The following MCM8 variants were observed in gnomAD, a reference collection of about 807,000 sequenced individuals.
MCM8 encodes minichromosome maintenance 8 homologous recombination repair factor, also known as DNA helicase MCM8.
A neutral mutation model predicts 98.9 loss-of-function variants in MCM8; 85 were observed. That is an observed-to-expected ratio of 0.86 (90% CI 0.72 to 1.03). The LOEUF is 1.03. Ranked by LOEUF, MCM8 falls within the 50% of genes least tolerant of loss-of-function variation. MCM8 has a pLI of 0.00. For synonymous variants in MCM8, 352 were observed against 338.6 expected (o/e 1.04, Z -0.44); for missense variants, 951 against 997.8 (o/e 0.95, Z 0.63).
chr20:5,962,152 G>C (rs1197285832), intron 7 of MCM8, among the ~76,000 whole-genome samples: 1 of 152,146 alleles, frequency 6.6e-6, no homozygotes, highest in Non-Finnish European at 1.5e-5. Context: ...CTTGCACACA[G>C]TATAGCAGCT....
intron 7 of MCM8, among the ~76,000 whole-genome samples, chr20:5,960,028 T>C (rs6139881): frequency 0.082 from 12,408 of 152,220 alleles, 709 homozygotes; most frequent in East Asian, 0.32. Flanking sequence ...TTCCAGAGTA[T>C]TGTTCCCAAC....
rs1194978663 is a variant in MCM8, at chr20:5,963,322, T to A, written c.838T>A (p.Ser280Thr). ...RGRSFTALRS[S>T]PLTVTMDWQS... ...CAGGTCATTTACTGCTCTCCGCAGC[T>A]CTCCTCTCACAGTTACGATGGACTG... is the stretch of plus-strand genomic sequence containing the variant. The change falls in exon 8 of 19, where the codon TCT (serine) becomes ACT (threonine). Residue 280 changes from serine (S) to threonine (T), a missense_variant. Ser to Thr is a moderately conservative substitution (Grantham distance 58, BLOSUM62 1). Transcript: ENST00000610722. The A allele has an allele frequency of 6.2e-7, 1 of 1,614,104 alleles. No homozygotes were observed. Among genetic ancestry groups the A allele is most frequent in the South Asian group, 1.1e-5 (1 of 91,076 alleles).
chr20:5,959,976 G>A (rs966076091), intron 7 of MCM8, among the ~76,000 whole-genome samples: 4 of 151,972 alleles, frequency 2.6e-5, no homozygotes, highest in African/African-American at 7.2e-5. Flanking sequence ...GGATTGGCCG[G>A]CTGTACTTAT....
intron 5 of MCM8, among the ~76,000 whole-genome samples, 182 bp downstream of exon 5, chr20:5,955,433 C>T (rs1430240691): frequency 6.6e-6 from 1 of 152,202 alleles, no homozygotes; most frequent in Non-Finnish European, 1.5e-5. Context: ...TGAAAGATAC[C>T]ATTCATTCTA....
intron 13 of MCM8, among the ~76,000 whole-genome samples, chr20:5,981,593 G>T (rs754918894): frequency 1.5e-4 from 23 of 152,112 alleles, no homozygotes; most frequent in Non-Finnish European, 2.8e-4. Flanking sequence ...TGGGAAAAGC[G>T]TATTGACAAG....
At chr20:5,969,374 C>G (rs187823094) in intron 10 of MCM8, among the ~76,000 whole-genome samples, 17 of 152,140 alleles carry the variant, frequency 1.1e-4, no homozygotes, top group Non-Finnish European at 2.1e-4. Context: ...GGTGGATCAC[C>G]TGAGGTCAGG....
chr20:5,958,163 G>A (rs1313304757), intron 6 of MCM8, among the ~76,000 whole-genome samples: 1 of 152,206 alleles, frequency 6.6e-6, no homozygotes, highest in East Asian at 1.9e-4. Context: ...GAGGTCAAGC[G>A]ATCGAGACCA....
At chr20:5,957,702 T>TC (rs1283552805) in intron 6 of MCM8, among the ~76,000 whole-genome samples, 2 of 152,350 alleles carry the variant, frequency 1.3e-5, no homozygotes, top group East Asian at 3.9e-4. Context: ...CCAAAATACT[T>TC]CTGGTCCCAG....
chr20:5,979,234 C>G (rs2089580177), intron 13 of MCM8, among the ~76,000 whole-genome samples: 1 of 152,100 alleles, frequency 6.6e-6, no homozygotes, highest in Non-Finnish European at 1.5e-5. Context: ...TTCTTTACTT[C>G]TTTCTCAGTC....
intron 17 of MCM8, 103 bp from the exon 18 acceptor site, chr20:5,993,403 C>G: frequency 1.2e-6 from 1 of 822,152 alleles, no homozygotes; most frequent in Non-Finnish European, 1.8e-6. Flanking sequence ...CTAAGTGAGC[C>G]TTGTGGCTAC....
chr20:5,967,672 TAATTTGAGG>T, intron 9 of MCM8, 85 bp downstream of exon 9: 1 of 1,461,608 alleles, frequency 6.8e-7, no homozygotes, highest in East Asian at 2.3e-5. Context: ...GAACCTCAAA[TAATTTGAGG>T]AATTTCTTGT....
At position 5,985,968 on chromosome 20, in the gene MCM8, GA is replaced by G; in HGVS notation, c.2003del (p.Lys668SerfsTer36). 2 of 1,614,204 alleles carry G rather than the reference GA, an allele frequency of 1.2e-6. No individual in the cohort carries two copies. Among genetic ancestry groups the G allele is most frequent in the Non-Finnish European group, 1.7e-6 (2 of 1,180,034 alleles). Reference protein sequence around the residue: ...TIDPIPHQLLRKYIGYARQYV... With the variant: ...TIDPIPHQLLXKYIGYARQYV... Reference sequence around the variant, plus strand: ...GATCCCATTCCCCACCAGCTATTGAGAAAGTACATTGGCTATGCTCGGCAGT... The same window carrying G: ...GATCCCATTCCCCACCAGCTATTGAGAAGTACATTGGCTATGCTCGGCAGT... On this transcript the variant is annotated frameshift_variant, in exon 16 of 19. Transcript: ENST00000610722. LOFTEE classifies it high-confidence loss of function.
Position 5,986,016 on chromosome 20 carries a change from CAG to C in MCM8, c.2050_2051del (p.Glu684SerfsTer11). 1 of 1,614,232 alleles carries C rather than the reference CAG, an allele frequency of 6.2e-7. No homozygotes were observed. The highest frequency in any genetic ancestry group is 8.5e-7 in the Non-Finnish European group (1 of 1,180,034). ...CAGTATGTGTACCCAAGGCTATCCA[CAG>C]AAGCTGCTCGAGTTCTTCAAGATTT... On this transcript the variant is annotated frameshift_variant, in exon 16 of 19. Coordinates refer to ENST00000610722, the MANE Select transcript of MCM8 (RefSeq NM_032485.6). LOFTEE classifies it high-confidence loss of function.
chr20:5,983,017 G>C lies in MCM8; in HGVS notation c.1585G>C (p.Ala529Pro). 6.2e-7 allele frequency: 1 copy of C among 1,613,800 alleles called. No homozygotes were observed. The highest frequency in any genetic ancestry group is 8.5e-7 in the Non-Finnish European group (1 of 1,179,956). Residue 529 changes from alanine to proline, a missense_variant, in exon 14 of 19, where the codon GCC becomes CCC. Transcript: ENST00000610722. Reference sequence around the variant, plus strand: ...TGATAAGATGGGGAATCAACATCAAGCCTTGTTGGAAGCCATGGAGCAGCA... The same window carrying C: ...TGATAAGATGGGGAATCAACATCAACCCTTGTTGGAAGCCATGGAGCAGCA... The part of the protein sequence containing the change: ...EFDKMGNQHQ[A>P]LLEAMEQQSI...
In MCM8 at chr20:5,995,843, TC is replaced by T. The variant is rs1439010513; in HGVS notation, c.*1455del. 3 of 152,164 alleles carry T rather than the reference TC, an allele frequency of 2.0e-5. No homozygotes were observed. Among genetic ancestry groups the T allele is most frequent in the Non-Finnish European group, 4.4e-5 (3 of 68,032 alleles). 9.4% of individuals were successfully genotyped at this position (152,164 alleles called of 1,614,324 possible). A position where few individuals can be genotyped will look rare whatever the true frequency, so the allele number is the denominator to read the frequency against. On this transcript the variant is annotated 3_prime_UTR_variant, in exon 19 of 19. Transcript: ENST00000610722. ...TTGGAGAATCTACTAAAATACGGCTTCCCGCAAACGAAGATGAATGGAAAAT... is the reference window on the plus strand; with the variant it reads ...TTGGAGAATCTACTAAAATACGGCTTCCGCAAACGAAGATGAATGGAAAAT...
In MCM8 at chr20:5,996,273, C is replaced by CCAAACTAAATAAGAGATAT. The variant is rs1394809071; in HGVS notation, c.*1882_*1883insCAAACTAAATAAGAGATAT. The CCAAACTAAATAAGAGATAT allele has an allele frequency of 7.6e-6, 1 of 130,970 alleles. No homozygotes were observed. The allele number at this position is 130,970 out of a possible 1,614,324, so 8.1% of individuals were successfully genotyped here. A position where few individuals can be genotyped will look rare whatever the true frequency, so the allele number is the denominator to read the frequency against. ...TGGGCAAGAGAGCAAGACCTTGTCT[C>CCAAACTAAATAAGAGATAT]TTAAAGAAAAAAAAAAAAAATGGAG... On this transcript the variant is annotated 3_prime_UTR_variant, in exon 19 of 19. Transcript: ENST00000610722.
intron 7 of MCM8, among the ~76,000 whole-genome samples, chr20:5,959,659 T>G (rs60066894): frequency 0.024 from 3,596 of 151,510 alleles, 125 homozygotes; most frequent in African/African-American, 0.075. Flanking sequence ...ACATGTCTCC[T>G]TAGCAGAGGA....
chr20:5,961,422 T>C (rs1001992476), intron 7 of MCM8, among the ~76,000 whole-genome samples: 5 of 152,202 alleles, frequency 3.3e-5, no homozygotes, highest in African/African-American at 1.2e-4. Context: ...AATAGTCCCT[T>C]GAAGAATTAA....
intron 3 of MCM8, among the ~76,000 whole-genome samples, chr20:5,953,537 G>A (rs919185837): frequency 4.0e-5 from 6 of 151,376 alleles, no homozygotes; most frequent in Admixed American, 2.0e-4. Context: ...GCAGTGGCGC[G>A]ATCTTGGCTC....
Sources: allele counts gnomAD v4.1 joint callset (sites outside exome capture counted in the v4.1 genomes callset), GRCh38; gene constraint gnomAD v4.1.1; transcripts MANE v1.5; gene names NCBI Gene and HGNC (gene_info 2026-07-23, HGNC 2026-07-21).